The following SMIM14 variants were observed in gnomAD, a reference collection of about 807,000 sequenced individuals.
SMIM14 encodes chromosome 4 open reading frame 34.
SMIM14 carries 5 observed loss-of-function variants against 12.6 expected under a neutral mutation model. The ratio of observed to expected loss-of-function variants is 0.40; its 90% CI spans 0.21 to 0.83. The LOEUF (loss-of-function observed/expected upper bound fraction) is 0.83, where lower values mean the gene tolerates loss of function less well. SMIM14 is among the 40% of genes least tolerant of loss of function. The pLI is 0.37. For synonymous variants in SMIM14, 30 were observed against 40.1 expected (o/e 0.75, Z 0.95); for missense variants, 86 against 119.1 (o/e 0.72, Z 1.29).
intron 1 of SMIM14, among the ~76,000 whole-genome samples, chr4:39,625,525 T>C (rs552392289): frequency 6.6e-6 from 1 of 151,822 alleles, no homozygotes; most frequent in East Asian, 2.0e-4. Context: ...CACTGCAACC[T>C]CCACCTCCCG....
chr4:39,617,793 T>C (rs897992025), intron 1 of SMIM14, among the ~76,000 whole-genome samples: 1 of 152,198 alleles, frequency 6.6e-6, no homozygotes, highest in Non-Finnish European at 1.5e-5. Flanking sequence ...ATCTAAACAA[T>C]GAAACAGTGT....
At chr4:39,634,615 T>C (rs1218473965) in intron 1 of SMIM14, among the ~76,000 whole-genome samples, 1 of 152,154 alleles carries the variant, frequency 6.6e-6, no homozygotes, top group Non-Finnish European at 1.5e-5. Flanking sequence ...AAAGAAGCAA[T>C]CTTCCAAGGA....
chr4:39,599,096 A>G (rs1270355443), intron 2 of SMIM14, among the ~76,000 whole-genome samples: 1 of 152,212 alleles, frequency 6.6e-6, no homozygotes, highest in Non-Finnish European at 1.5e-5. Context: ...GATTGGCTGG[A>G]TACAGAATGC....
At chr4:39,634,853 C>T (rs1716034601) in intron 1 of SMIM14, among the ~76,000 whole-genome samples, 1 of 152,018 alleles carries the variant, frequency 6.6e-6, no homozygotes, top group Non-Finnish European at 1.5e-5. Context: ...AAATGGCCTA[C>T]AATAGACAGT....
intron 1 of SMIM14, among the ~76,000 whole-genome samples, chr4:39,629,806 G>A (rs1479472501): frequency 1.3e-5 from 2 of 151,828 alleles, no homozygotes; most frequent in Non-Finnish European, 2.9e-5. Context: ...TTACTTTTTT[G>A]TAGAGAGAGG....
At chr4:39,614,401 AACCTCC>A (rs1021924223) in intron 1 of SMIM14, among the ~76,000 whole-genome samples, 8 of 151,390 alleles carry the variant, frequency 5.3e-5, no homozygotes, top group African/African-American at 1.9e-4. Flanking sequence ...GGCTCCCTGC[AACCTCC>A]ACCTCCCAGG....
intron 3 of SMIM14, among the ~76,000 whole-genome samples, chr4:39,561,604 G>C (rs2109991056): frequency 6.6e-6 from 1 of 152,178 alleles, no homozygotes; most frequent in South Asian, 2.1e-4. Flanking sequence ...CTTATTTCTA[G>C]ACAAAGGATC....
intron 1 of SMIM14, among the ~76,000 whole-genome samples, chr4:39,631,923 A>T (rs1347618030): frequency 1.3e-5 from 2 of 152,100 alleles, no homozygotes; most frequent in African/African-American, 4.8e-5. Flanking sequence ...ATTTAAAAAA[A>T]AAAAAAGGAA....
At chr4:39,574,414 T>C (rs925975735) in intron 2 of SMIM14, among the ~76,000 whole-genome samples, 36 of 152,144 alleles carry the variant, frequency 2.4e-4, no homozygotes, top group Admixed American at 7.2e-4. Context: ...CTAATTTCTT[T>C]TGTATTTTAG....
intron 3 of SMIM14, among the ~76,000 whole-genome samples, chr4:39,562,029 T>G (rs1475336417): frequency 1.3e-5 from 2 of 152,076 alleles, no homozygotes; most frequent in Non-Finnish European, 2.9e-5. Flanking sequence ...CCTAGCTTGG[T>G]TCCTATTGCA....
chr4:39,584,516 C>A (rs1713685337), intron 2 of SMIM14, among the ~76,000 whole-genome samples: 1 of 75,852 alleles, frequency 1.3e-5, no homozygotes, highest in Non-Finnish European at 3.6e-5. Flanking sequence ...GACAAACAGG[C>A]TGGGCGCAGT....
intron 2 of SMIM14, among the ~76,000 whole-genome samples, chr4:39,587,679 G>C (rs976029048): frequency 1.2e-4 from 19 of 152,064 alleles, no homozygotes; most frequent in African/African-American, 4.8e-5. Flanking sequence ...GTCAAGGCAG[G>C]AGGAACGCTT....
At chr4:39,638,552 C>G (rs1010404905) in intron 1 of SMIM14, 187 bp downstream of exon 1, 16 of 985,040 alleles carry the variant, frequency 1.6e-5, no homozygotes, top group Non-Finnish European at 1.9e-5. Flanking sequence ...GGGACGCGGG[C>G]TCGGCAGCAG....
At chr4:39,563,357 C>T (rs545816787) in intron 3 of SMIM14, among the ~76,000 whole-genome samples, 9 of 152,322 alleles carry the variant, frequency 5.9e-5, no homozygotes, top group East Asian at 1.9e-4. Context: ...CCACCGCCCC[C>T]GGCCCCTCTT....
At chr4:39,564,673 T>G (rs1366373852) in intron 3 of SMIM14, among the ~76,000 whole-genome samples, 1 of 152,182 alleles carries the variant, frequency 6.6e-6, no homozygotes, top group African/African-American at 2.4e-5. Context: ...GTTTAAAGGA[T>G]TCTATTAAAA....
In SMIM14 at chr4:39,546,436, G is replaced by T. The variant is rs1747350394; in HGVS notation, c.*5690C>A. 2 of 152,090 alleles carry T rather than the reference G, an allele frequency of 1.3e-5. No individual in the cohort carries two copies. The highest frequency in any genetic ancestry group is 4.2e-4 in the South Asian group (2 of 4,812). 9.4% of individuals were successfully genotyped at this position (152,090 alleles called of 1,614,324 possible). A position where few individuals can be genotyped will look rare whatever the true frequency, so the allele number is the denominator to read the frequency against. ...CAACTAATGGGAAAAGATCACACAG[G>T]TAACTCCAATTTTTAAAAATATGAT... On this transcript the variant is annotated 3_prime_UTR_variant, in exon 5 of 5. Transcript: ENST00000295958.
At chr4:39,625,534 C>T (rs180787580) in intron 1 of SMIM14, among the ~76,000 whole-genome samples, 1 of 152,192 alleles carries the variant, frequency 6.6e-6, no homozygotes, top group Admixed American at 6.5e-5. Context: ...CTCCACCTCC[C>T]GGGTTCCAGT....
intron 4 of SMIM14, 31 bp downstream of exon 4, chr4:39,556,397 C>G (rs781365098): frequency 7.5e-6 from 12 of 1,598,014 alleles, no homozygotes; most frequent in South Asian, 1.1e-5. Context: ...ATTCCCTTAC[C>G]CAAAAAGCAT....
At chr4:39,569,484 T>C (rs1712770791) in intron 3 of SMIM14, among the ~76,000 whole-genome samples, 1 of 152,214 alleles carries the variant, frequency 6.6e-6, no homozygotes, top group South Asian at 2.1e-4. Context: ...ACTAACCTAC[T>C]AATAAATGCA....
Sources: gnomAD v4.1 joint callset for allele counts (sites outside exome capture counted in the v4.1 genomes callset) on GRCh38, gnomAD v4.1.1 for gene constraint, MANE v1.5 for transcripts, NCBI Gene and HGNC (gene_info 2026-07-23, HGNC 2026-07-21) for gene names.